Variants in TYW1B observed in about 807,000 individuals in gnomAD.
TYW1B encodes S-adenosyl-L-methionine-dependent tRNA 4-demethylwyosine synthase TYW1B.
Under a neutral mutation model 86.9 loss-of-function variants are expected in TYW1B, and 73 were observed. That is an observed-to-expected ratio of 0.84 (90% confidence interval 0.70 to 1.02). The LOEUF (loss-of-function observed/expected upper bound fraction) is 1.02, where lower values mean the gene tolerates loss of function less well. Ranked by LOEUF, TYW1B falls within the 50% of genes least tolerant of loss-of-function variation. The pLI is 0.00. For synonymous variants in TYW1B, 248 were observed against 292.8 expected, an observed-to-expected ratio of 0.85 and a Z score of 1.56; for missense variants, 637 against 827.4, an observed-to-expected ratio of 0.77 and a Z score of 2.82.
chr7:72,596,646 A>C (rs1246570093), intron 13 of TYW1B, among the ~76,000 whole-genome samples: 1 of 152,176 alleles, frequency 6.6e-6, no homozygotes, highest in Non-Finnish European at 1.5e-5. Flanking sequence ...TGGATCAAAG[A>C]CCTAAACATA....
intron 7 of TYW1B, among the ~76,000 whole-genome samples, chr7:72,762,988 T>C (rs1554467467): frequency 1.3e-5 from 2 of 152,008 alleles, no homozygotes; most frequent in African/African-American, 4.8e-5. Context: ...TTTACATTTC[T>C]CTATAATATA....
intron 11 of TYW1B, 122 bp from the exon 12 acceptor site, chr7:72,629,119 T>C (rs879948029): frequency 1.2e-5 from 9 of 723,026 alleles, no homozygotes; most frequent in Non-Finnish European, 2.0e-5. Flanking sequence ...TCATGAACTT[T>C]TGTAAACTGA....
chr7:72,728,566 C>A (rs1218138615), intron 9 of TYW1B, among the ~76,000 whole-genome samples: 2 of 152,188 alleles, frequency 1.3e-5, no homozygotes, highest in Non-Finnish European at 2.9e-5. Flanking sequence ...CTCGGCCTCC[C>A]AAAGTGCTGG....
intron 12 of TYW1B, among the ~76,000 whole-genome samples, chr7:72,617,609 T>G (rs1358836447): frequency 1.3e-5 from 2 of 152,164 alleles, no homozygotes; most frequent in African/African-American, 4.8e-5. Flanking sequence ...TCAAGCAATC[T>G]ACCTGCCCCG....
chr7:72,666,275 A>C (rs1332454726), intron 11 of TYW1B, among the ~76,000 whole-genome samples: 1 of 151,974 alleles, frequency 6.6e-6, no homozygotes, highest in African/African-American at 2.4e-5. Flanking sequence ...TAAAATAAAA[A>C]TTTAGCTGAG....
In TYW1B at chr7:72,616,568, C is replaced by T. The variant is rs187900568; in HGVS notation, c.1785+104G>A. 2.4e-3 allele frequency: 3,764 copies of T among 1,554,424 alleles called. 4 individuals are homozygous for T. The highest frequency in any genetic ancestry group is 3.4e-3 in the South Asian group (296 of 87,282). ...TTTGTTTTGGGAAAGGTAGCAAGCA[C>T]GCAGATCATCCCTATAACAACGTAA... is the stretch of plus-strand genomic sequence containing the variant. On this transcript the variant is annotated intron_variant, in intron 13 of 13. Transcript: ENST00000620995.
intron 11 of TYW1B, among the ~76,000 whole-genome samples, chr7:72,674,756 TC>T (rs1405313191): frequency 3.1e-4 from 30 of 95,440 alleles, no homozygotes; most frequent in African/African-American, 9.8e-4. Flanking sequence ...TTTCCTTTTC[TC>T]TCTTTTTTTT....
chr7:72,673,993 C>T (rs1813676014), intron 11 of TYW1B, among the ~76,000 whole-genome samples: 1 of 152,034 alleles, frequency 6.6e-6, no homozygotes, highest in African/African-American at 2.4e-5. Context: ...AGAATAAACA[C>T]CTGAAGCAGA....
At chr7:72,806,478 C>T (rs372277740) in intron 5 of TYW1B, among the ~76,000 whole-genome samples, 64 of 152,124 alleles carry the variant, frequency 4.2e-4, no homozygotes, top group African/African-American at 1.4e-3. Flanking sequence ...TCAAGTGATC[C>T]ACCCACCTTG....
intron 10 of TYW1B, among the ~76,000 whole-genome samples, chr7:72,697,241 CA>C (rs1300467602): frequency 6.6e-6 from 1 of 151,942 alleles, no homozygotes; most frequent in Non-Finnish European, 1.5e-5. Flanking sequence ...CTATCATTTA[CA>C]AAATAGGAAG....
rs1810980006 is a variant in TYW1B at position 72,574,728 on chromosome 7, C to A, written c.*770G>T. ...TGATATGAGAGGCCCGGACAGTGAC[C>A]TCACGAACAAAAAGAAATGATCCTC... On this transcript the variant is annotated 3_prime_UTR_variant, in exon 14 of 14. Transcript: ENST00000620995. 2 of 985,260 alleles carry A rather than the reference C, an allele frequency of 2.0e-6. No homozygotes were observed. Among genetic ancestry groups the A allele is most frequent in the Non-Finnish European group, 2.4e-6 (2 of 829,958 alleles). 61.0% of individuals were successfully genotyped at this position (985,260 alleles called of 1,614,324 possible).
chr7:72,826,757 G>A, intron 2 of TYW1B, 98 bp downstream of exon 2: 1 of 1,461,564 alleles, frequency 6.8e-7, no homozygotes, highest in African/African-American at 1.4e-5. Context: ...AATGTCTAAA[G>A]ACCAAACACA....
At chr7:72,632,343 ATATT>A (rs1812526550) in intron 11 of TYW1B, among the ~76,000 whole-genome samples, 1 of 121,194 alleles carries the variant, frequency 8.3e-6, no homozygotes, top group Admixed American at 9.9e-5. Context: ...ACACGTATAT[ATATT>A]ATATATATTA....
chr7:72,749,912 G>GTTTTT (rs35656387), intron 7 of TYW1B, among the ~76,000 whole-genome samples: 3 of 119,008 alleles, frequency 2.5e-5, no homozygotes, highest in Admixed American at 9.3e-5. Context: ...GGTTTTTTTT[G>GTTTTT]TTTTTTTTTT....
At chr7:72,734,480 AAACCTG>A (rs1258598081) in intron 8 of TYW1B, among the ~76,000 whole-genome samples, 3 of 152,206 alleles carry the variant, frequency 2.0e-5, no homozygotes, top group African/African-American at 7.2e-5. Context: ...CATACACGTA[AAACCTG>A]AAACTGTGAA....
chr7:72,652,103 C>G (rs1563046288), intron 11 of TYW1B, among the ~76,000 whole-genome samples: 1 of 152,038 alleles, frequency 6.6e-6, no homozygotes, highest in Non-Finnish European at 1.5e-5. Context: ...TGGGGCCGGG[C>G]GTGGTGGCTC....
At chr7:72,727,001 G>A (rs1402927087) in intron 9 of TYW1B, among the ~76,000 whole-genome samples, 2 of 152,194 alleles carry the variant, frequency 1.3e-5, no homozygotes, top group East Asian at 1.9e-4. Flanking sequence ...TCACTATCAC[G>A]AGAACACCAT....
chr7:72,827,109 T>C (rs1266670665), intron 1 of TYW1B, 124 bp from the exon 2 acceptor site: 3 of 1,315,968 alleles, frequency 2.3e-6, no homozygotes, highest in African/African-American at 3.0e-5. Context: ...AGAAATCTAA[T>C]TTAAAAATCA....
intron 7 of TYW1B, 50 bp downstream of exon 7, chr7:72,777,366 A>G (rs1554470724): frequency 7.5e-6 from 12 of 1,597,074 alleles, no homozygotes; most frequent in Non-Finnish European, 1.0e-5. Flanking sequence ...GTATCAAATG[A>G]GAATGCCTAA....
Sources: allele counts gnomAD v4.1 joint callset (sites outside exome capture counted in the v4.1 genomes callset), GRCh38; gene constraint gnomAD v4.1.1; transcripts MANE v1.5; gene names NCBI Gene and HGNC (gene_info 2026-07-23, HGNC 2026-07-21).